Variants in MYH15 observed in about 807,000 individuals in gnomAD.
MYH15 encodes the protein myosin heavy chain 15.
MYH15 carries 227 observed loss-of-function variants against 240.5 expected under a neutral mutation model. That is an observed-to-expected ratio of 0.94 (90% CI 0.85 to 1.05). MYH15 has a LOEUF of 1.05. Ranked by LOEUF, MYH15 falls within the 50% of genes least tolerant of loss-of-function variation. The probability of loss-of-function intolerance (pLI) is 0.00; values close to 1 mark genes in which losing one functional copy is unlikely to be tolerated. For synonymous variants in MYH15, 785 were observed against 796.7 expected (o/e 0.99, Z 0.25); for missense variants, 2,217 against 2,247.5 (o/e 0.99, Z 0.27).
chr3:108,478,051 G>A (rs752262268), intron 11 of MYH15, among the ~76,000 whole-genome samples: 3 of 151,980 alleles, frequency 2.0e-5, no homozygotes, highest in Non-Finnish European at 4.4e-5. Context: ...GTTGAATAAT[G>A]TCTTATAATA....
upstream of MYH15, among the ~76,000 whole-genome samples, chr3:108,531,983 G>A (rs1039813097): frequency 1.1e-4 from 17 of 152,128 alleles, no homozygotes; most frequent in African/African-American, 2.7e-4. Context: ...AGATTTGTAG[G>A]AGAGGTCCAC....
intron 1 of MYH15, among the ~76,000 whole-genome samples, chr3:108,523,039 G>A (rs1366455003): frequency 1.3e-5 from 2 of 152,030 alleles, no homozygotes; most frequent in Non-Finnish European, 1.5e-5. Context: ...GACTTGATGT[G>A]TGGATATAAA....
intron 36 of MYH15, 141 bp downstream of exon 36, chr3:108,393,890 G>T (rs529587531): frequency 6.7e-6 from 8 of 1,196,780 alleles, no homozygotes; most frequent in African/African-American, 4.6e-5. Context: ...GAACAGGGAG[G>T]CAGAGAGGTC....
chr3:108,388,642 T>C (rs1336883363), intron 38 of MYH15, among the ~76,000 whole-genome samples: 1 of 152,204 alleles, frequency 6.6e-6, no homozygotes, highest in Non-Finnish European at 1.5e-5. Flanking sequence ...ATTTACACAT[T>C]GTTCTCACTC....
chr3:108,418,363 GA>G (rs2082651679), intron 28 of MYH15, among the ~76,000 whole-genome samples: 2 of 152,100 alleles, frequency 1.3e-5, no homozygotes, highest in Non-Finnish European at 2.9e-5. Context: ...AAGTGAAACT[GA>G]CTTTTTAAAA....
chr3:108,414,158 T>C lies in MYH15; in HGVS notation c.4145+74A>G. ...TTGTTAAGTGCATACCATGAGGCCT[T>C]GGAGACAGAGTCATTATTCTCATAC... On this transcript the variant is annotated intron_variant, in intron 30 of 40. Coordinates refer to ENST00000693548, the MANE Select transcript of MYH15 (RefSeq NM_014981.3). The C allele has an allele frequency of 4.0e-6, 6 of 1,487,418 alleles. No homozygotes were observed. The Admixed American group carries it at 1.1e-4, about 26-fold the overall frequency. The allele number at this position is 1,487,418 out of a possible 1,614,324, so 92.1% of individuals were successfully genotyped here.
intron 26 of MYH15, 93 bp from the exon 27 acceptor site, chr3:108,428,974 TG>T: frequency 2.3e-6 from 3 of 1,314,914 alleles, no homozygotes; most frequent in Non-Finnish European, 3.1e-6. Flanking sequence ...ATGAAACTTT[TG>T]GTTCCCAATT....
chr3:108,513,980 C>G (rs141192007), upstream of MYH15, among the ~76,000 whole-genome samples: 182 of 152,252 alleles, frequency 1.2e-3, no homozygotes, highest in Non-Finnish European at 2.4e-3. Context: ...TATATTGATA[C>G]GGCACAATTT....
intron 24 of MYH15, among the ~76,000 whole-genome samples, chr3:108,438,755 C>T (rs946853096): frequency 5.9e-5 from 9 of 152,166 alleles, no homozygotes; most frequent in Admixed American, 1.3e-4. Context: ...ATGGACTTCC[C>T]AGCCTCCAGA....
rs556537507 is a variant in MYH15 at position 108,388,585 on chromosome 3, GT to G, written c.5535+384del. Among the ~76,000 whole-genome samples the G allele has an allele frequency of 2.2e-3, 336 of 152,222 alleles. 3 individuals are homozygous for G. Among genetic ancestry groups the G allele is most frequent in the Middle Eastern group, 0.014 (4 of 294 alleles). ...CGCTGCAATTGAATCAGCATCCCAT[GT>G]AACCTGCCAGCTGGGTAGCCACCCC... is the stretch of plus-strand genomic sequence containing the variant. On this transcript the variant is annotated intron_variant, in intron 38 of 40. Coordinates refer to ENST00000693548, the MANE Select transcript of MYH15 (RefSeq NM_014981.3).
chr3:108,463,088 T>C (rs1560392905), intron 16 of MYH15, 23 bp downstream of exon 16: 2 of 1,576,832 alleles, frequency 1.3e-6, no homozygotes, highest in East Asian at 2.3e-5. Context: ...GGCTGAAAAA[T>C]CAAGGAAGAT....
upstream of MYH15, among the ~76,000 whole-genome samples, chr3:108,530,841 G>A (rs1183406395): frequency 6.6e-6 from 1 of 152,096 alleles, no homozygotes; most frequent in Non-Finnish European, 1.5e-5. Flanking sequence ...ATAGATGATG[G>A]AATGAGTAGA....
At chr3:108,397,724 G>A (rs988849166) in intron 35 of MYH15, among the ~76,000 whole-genome samples, 1 of 152,174 alleles carries the variant, frequency 6.6e-6, no homozygotes, top group Non-Finnish European at 1.5e-5. Flanking sequence ...TCCATTAGAA[G>A]CCAGAGTCCA....
chr3:108,416,836 T>C lies in MYH15; in HGVS notation c.3924A>G (p.Arg1308=), dbSNP rs2082637665. 6.2e-7 allele frequency: 1 copy of C among 1,613,758 alleles called. No homozygotes were observed. The highest frequency in any genetic ancestry group is 1.3e-5 in the African/African-American group (1 of 74,902). ...SNFTRQIEDL[R]GQLEKETKSQ... is the part of the protein sequence containing the mutation. ...CTTTGGTCTCCTTTTCCAGCTGCCC[T>C]CTCAGGTCTTCAATCTGCCGAGTGA... The change falls in exon 29 of 41, where the codon AGA becomes AGG. Residue 1308 remains arginine, a synonymous_variant. Coordinates refer to ENST00000693548, the MANE Select transcript of MYH15 (RefSeq NM_014981.3).
the MYH15 span, among the ~76,000 whole-genome samples, chr3:108,547,080 CATAT>C: frequency 6.7e-6 from 1 of 148,856 alleles, no homozygotes. Flanking sequence ...AAAAATAGGC[CATAT>C]ATATATATAT....
At chr3:108,392,040 T>A (rs2082426254) in intron 36 of MYH15, 110 bp from the exon 37 acceptor site, 1 of 1,189,888 alleles carries the variant, frequency 8.4e-7, no homozygotes, top group South Asian at 1.4e-5. Flanking sequence ...CTTGCCTCTA[T>A]GTATGTGATC....
At chr3:108,465,365 A>G (rs149402842) in intron 14 of MYH15, among the ~76,000 whole-genome samples, 25 of 152,328 alleles carry the variant, frequency 1.6e-4, no homozygotes, top group African/African-American at 6.0e-4. Context: ...TGGGCAGAGA[A>G]AAGCTAGCTT....
rs752664976 is a variant in MYH15, at chr3:108,437,640, G to A, written c.3135C>T (p.His1045=). 1.9e-6 allele frequency: 3 copies of A among 1,614,054 alleles called. No homozygotes were observed. Among genetic ancestry groups the A allele is most frequent in the Non-Finnish European group, 2.5e-6 (3 of 1,179,998 alleles). ...KARMNCEREL[H]KLEGNLKLNR... ...TCAGCTTTAAATTGCCCTCCAGTTT[G>A]TGCAGTTCCCTTTCACAGTTCATTC... The change falls in exon 25 of 41, where the codon CAC becomes CAT. Residue 1045 remains histidine, a synonymous_variant. Coordinates refer to ENST00000693548, the MANE Select transcript of MYH15 (RefSeq NM_014981.3).
At chr3:108,391,217 A>G (rs2082420873) in intron 37 of MYH15, among the ~76,000 whole-genome samples, 1 of 152,206 alleles carries the variant, frequency 6.6e-6, no homozygotes, top group African/African-American at 2.4e-5. Flanking sequence ...AGTCATTAAA[A>G]TTGATTCAAT....
Sources: gnomAD v4.1 joint callset for allele counts (sites outside exome capture counted in the v4.1 genomes callset) on GRCh38, gnomAD v4.1.1 for gene constraint, MANE v1.5 for transcripts, NCBI Gene and HGNC (gene_info 2026-07-23, HGNC 2026-07-21) for gene names.